The following ZRANB2 variants were observed in gnomAD, a reference collection of about 807,000 sequenced individuals.
The protein encoded by ZRANB2 is zinc finger Ran-binding domain-containing protein 2.
ZRANB2 carries 19 observed loss-of-function variants against 53.4 expected under a neutral mutation model. The ratio of observed to expected loss-of-function variants is 0.36; its 90% CI spans 0.25 to 0.52. The LOEUF (loss-of-function observed/expected upper bound fraction) is 0.52. ZRANB2 is among the 20% of genes least tolerant of loss of function. The pLI, the probability that ZRANB2 is intolerant of heterozygous loss-of-function variation, is 0.93. For synonymous variants in ZRANB2, 145 were observed against 134.8 expected, an observed-to-expected ratio of 1.08 and a Z score of -0.52; for missense variants, 309 against 401.1, an observed-to-expected ratio of 0.77 and a Z score of 1.96.
intron 3 of ZRANB2, among the ~76,000 whole-genome samples, 197 bp from the exon 4 acceptor site, chr1:71,077,074 T>C (rs1163074649): frequency 6.6e-6 from 1 of 152,230 alleles, no homozygotes; most frequent in African/African-American, 2.4e-5. Flanking sequence ...CTGAACCATT[T>C]AAGCAGAGAA....
chr1:71,069,399 C>G (rs750534756), intron 7 of ZRANB2, 37 bp from the exon 8 acceptor site: 1 of 1,531,074 alleles, frequency 6.5e-7, no homozygotes, highest in Admixed American at 1.7e-5. Context: ...TTTCCAGGAC[C>G]ATTTAATTGA....
intron 4 of ZRANB2, among the ~76,000 whole-genome samples, chr1:71,075,831 T>A (rs1017613480): frequency 6.7e-6 from 1 of 150,234 alleles, no homozygotes; most frequent in Non-Finnish European, 1.5e-5. Context: ...AAAGTGGCGG[T>A]TGGGCTGGGG....
In ZRANB2 at chr1:71,080,572, GAA is replaced by G. The variant is rs1262940206; in HGVS notation, c.56+366_56+367del. Among the ~76,000 whole-genome samples, 7 of 136,042 alleles carry G rather than the reference GAA, an allele frequency of 5.1e-5. No homozygotes were observed. The East Asian group carries it at 1.4e-3, about 26-fold the overall frequency. 89.2% of individuals were successfully genotyped at this position (136,042 alleles called of 152,430 possible). On this transcript the variant is annotated intron_variant, in intron 1 of 9. Transcript: ENST00000370920. ...GTGAACAAGAGTAAAGTTCTGCAGA[GAA>G]AAGTCACGTGGGGGAGATCCAACAC... is the stretch of plus-strand genomic sequence containing the variant.
chr1:71,077,963 T>C lies in ZRANB2; in HGVS notation c.218+494A>G, dbSNP rs548599778. 2.0e-4 allele frequency among the ~76,000 whole-genome samples: 31 copies of C among 152,310 alleles called. 1 individual carries two copies. In the East Asian group the frequency reaches 5.4e-3, roughly 27 times the overall value. ...CATCTGCATAGAGAAAAGATGGAAG[T>C]TGGAAAAATCAATGAAGAATTAAAT... is the stretch of plus-strand genomic sequence containing the variant. On this transcript the variant is annotated intron_variant, in intron 3 of 9. Transcript: ENST00000370920.
rs1661540055 is a variant in ZRANB2, at chr1:71,069,205, A to C, written c.770+71T>G. On this transcript the variant is annotated intron_variant, in intron 8 of 9. Coordinates refer to ENST00000370920, the MANE Select transcript of ZRANB2 (RefSeq NM_203350.3). Reference sequence around the variant, plus strand: ...AGTAGAAGCAAAATAAGGGGAAAAAAAGCAGCAACACCTTCTGCAGCCTTT... The same window carrying C: ...AGTAGAAGCAAAATAAGGGGAAAAACAGCAGCAACACCTTCTGCAGCCTTT... 2.4e-6 allele frequency: 3 copies of C among 1,276,024 alleles called. No individual in the cohort carries two copies. In the South Asian group the frequency reaches 4.5e-5, roughly 19 times the overall value. The allele number at this position is 1,276,024 out of a possible 1,614,324, so 79.0% of individuals were successfully genotyped here.
chr1:71,069,762 T>C (rs1443394225), intron 7 of ZRANB2, among the ~76,000 whole-genome samples: 1 of 152,178 alleles, frequency 6.6e-6, no homozygotes, highest in East Asian at 1.9e-4. Context: ...TTTTTGTTTC[T>C]AGTTAGTACA....
chr1:71,080,367 C>A, intron 1 of ZRANB2, among the ~76,000 whole-genome samples: 1 of 151,984 alleles, frequency 6.6e-6, no homozygotes, highest in South Asian at 2.1e-4. Context: ...TCTAAGGAGG[C>A]GAAAAGCCCA....
At chr1:71,073,703 A>G (rs1349769360) in intron 4 of ZRANB2, among the ~76,000 whole-genome samples, 1 of 152,072 alleles carries the variant, frequency 6.6e-6, no homozygotes, top group Non-Finnish European at 1.5e-5. Context: ...AATATGACAA[A>G]TATGGAAAGC....
At chr1:71,066,722 T>C (rs1040657226) in intron 9 of ZRANB2, 54 bp downstream of exon 9, 1 of 1,539,266 alleles carries the variant, frequency 6.5e-7, no homozygotes, top group Non-Finnish European at 8.8e-7. Context: ...AAGTTTACTT[T>C]ATCTATTAAA....
At position 71,078,774 on chromosome 1, in the gene ZRANB2, C is replaced by T. The variant is rs1661767664; in HGVS notation, c.57-66G>A. ...GTAAAATTTTACATTTTAACTTGTC[C>T]TCACTACATATCTGGAATTCATAAC... On this transcript the variant is annotated intron_variant, in intron 1 of 9. Coordinates refer to ENST00000370920, the MANE Select transcript of ZRANB2 (RefSeq NM_203350.3). 4 of 1,329,598 alleles carry T rather than the reference C, an allele frequency of 3.0e-6. No individual in the cohort carries two copies. The Admixed American group carries it at 5.3e-5, about 18-fold the overall frequency. The allele number at this position is 1,329,598 out of a possible 1,614,324, so 82.4% of individuals were successfully genotyped here. A position where few individuals can be genotyped will look rare whatever the true frequency, so the allele number is the denominator to read the frequency against.
chr1:71,069,289 C>T lies in ZRANB2; in HGVS notation c.757G>A (p.Gly253Arg). ...TACCTCATTCACCTTGATTTCGACC[C>T]ACGAGATCTCGAACGTTCTCTGGAA... ...SSSRERSRSR[G>R]SKSRSSSRSH... The change falls in exon 8 of 10, where the codon GGG becomes AGG. Residue 253 changes from glycine to arginine, a missense_variant. Coordinates refer to ENST00000370920, the MANE Select transcript of ZRANB2 (RefSeq NM_203350.3). The T allele has an allele frequency of 6.2e-7, 1 of 1,611,676 alleles. No individual in the cohort carries two copies. Among genetic ancestry groups the T allele is most frequent in the African/African-American group, 1.3e-5 (1 of 74,812 alleles).
At chr1:71,072,795 A>C (rs1003508028) in intron 4 of ZRANB2, among the ~76,000 whole-genome samples, 1 of 152,096 alleles carries the variant, frequency 6.6e-6, no homozygotes, top group Admixed American at 6.6e-5. Flanking sequence ...GACTTATTTA[A>C]TTCATAGAAA....
At chr1:71,066,096 C>A (rs566928338) in intron 9 of ZRANB2, 26 of 179,930 alleles carry the variant, frequency 1.4e-4, no homozygotes, top group Admixed American at 1.4e-3. Context: ...ACAAATAAAG[C>A]CATTAAAATG....
chr1:71,074,803 T>C (rs1425718170), intron 4 of ZRANB2, among the ~76,000 whole-genome samples: 1 of 152,156 alleles, frequency 6.6e-6, no homozygotes. Flanking sequence ...CTTTTATTCA[T>C]ATCCTGTCTC....
At chr1:71,080,467 G>C (rs1003537356) in intron 1 of ZRANB2, among the ~76,000 whole-genome samples, 1 of 152,134 alleles carries the variant, frequency 6.6e-6, no homozygotes, top group African/African-American at 2.4e-5. Flanking sequence ...AAATAGTATG[G>C]AGGAAAAGTT....
intron 4 of ZRANB2, among the ~76,000 whole-genome samples, chr1:71,072,777 C>T (rs544545953): frequency 4.6e-5 from 7 of 152,158 alleles, no homozygotes; most frequent in African/African-American, 1.2e-4. Flanking sequence ...TTCCAAATTG[C>T]CCTACATGAC....
At chr1:71,074,766 T>C (rs1204190175) in intron 4 of ZRANB2, among the ~76,000 whole-genome samples, 1 of 152,024 alleles carries the variant, frequency 6.6e-6, no homozygotes, top group African/African-American at 2.4e-5. Flanking sequence ...CCAGCAGCAA[T>C]CTTTCAGAGG....
chr1:71,066,098 A>T (rs1661427237), intron 9 of ZRANB2: 2 of 181,616 alleles, frequency 1.1e-5, no homozygotes, highest in Admixed American at 1.2e-4. Context: ...AAATAAAGCC[A>T]TTAAAATGAC....
At chr1:71,071,436 A>G (rs114107389) in intron 6 of ZRANB2, among the ~76,000 whole-genome samples, 1 of 152,258 alleles carries the variant, frequency 6.6e-6, no homozygotes, top group South Asian at 2.1e-4. Flanking sequence ...ACAGATAAAC[A>G]CATCTCACTT....
Sources: gnomAD v4.1 joint callset for allele counts (sites outside exome capture counted in the v4.1 genomes callset) on GRCh38, gnomAD v4.1.1 for gene constraint, MANE v1.5 for transcripts, NCBI Gene and HGNC (gene_info 2026-07-23, HGNC 2026-07-21) for gene names.